Variants in RASAL2 observed in about 807,000 individuals in gnomAD.
RASAL2 encodes the protein RAS protein activator like 2.
In RASAL2, 58 loss-of-function variants were observed where a neutral mutation model predicts 128.9. The observed-to-expected ratio is 0.45, with a 90% CI of 0.36 to 0.56. RASAL2 has a LOEUF of 0.56. Ranked by LOEUF, RASAL2 falls within the 20% of genes least tolerant of loss-of-function variation. The probability of loss-of-function intolerance (pLI) is 0.00; values close to 1 mark genes in which losing one functional copy is unlikely to be tolerated. For synonymous variants in RASAL2, 561 were observed against 580.8 expected, an observed-to-expected ratio of 0.97 and a Z score of 0.49; for missense variants, 1,360 against 1,601.6, an observed-to-expected ratio of 0.85 and a Z score of 2.57.
intron 1 of RASAL2, among the ~76,000 whole-genome samples, chr1:178,161,209 A>G (rs891051246): frequency 2.0e-5 from 3 of 152,170 alleles, no homozygotes; most frequent in African/African-American, 4.8e-5. Context: ...TTTTGCAACA[A>G]TCACTACCGT....
intron 1 of RASAL2, among the ~76,000 whole-genome samples, chr1:178,190,374 G>T (rs1662450627): frequency 6.6e-6 from 1 of 152,152 alleles, no homozygotes; most frequent in African/African-American, 2.4e-5. Flanking sequence ...AACAAAATGT[G>T]TAAGGCCTTA....
rs186197500 is a variant in RASAL2 at position 178,131,084 on chromosome 1, C to A, written c.202+36390C>A. Reference sequence around the variant, plus strand: ...ACAAACAAAAAAAAAACAAAAAAAACCAAAAAAAAACATGTGTTATTGTTA... The same window carrying A: ...ACAAACAAAAAAAAAACAAAAAAAAACAAAAAAAAACATGTGTTATTGTTA... On this transcript the variant is annotated intron_variant, in intron 1 of 17. Transcript: ENST00000367649. Among the ~76,000 whole-genome samples, 1,322 of 149,330 alleles carry A rather than the reference C, an allele frequency of 8.9e-3. 25 individuals carry two copies. The highest frequency in any genetic ancestry group is 0.022 in the African/African-American group (918 of 40,952).
intron 3 of RASAL2, among the ~76,000 whole-genome samples, chr1:178,379,275 G>C (rs1672151567): frequency 6.6e-6 from 1 of 152,076 alleles, no homozygotes; most frequent in Admixed American, 6.6e-5. Flanking sequence ...CAGCTACTGG[G>C]GAGGCTGAGT....
chr1:178,239,605 G>A (rs1028088623), intron 1 of RASAL2, among the ~76,000 whole-genome samples: 2 of 151,964 alleles, frequency 1.3e-5, no homozygotes, highest in African/African-American at 4.8e-5. Context: ...GGTATTTTAA[G>A]CAACTTATAA....
chr1:178,341,497 C>G, intron 3 of RASAL2: 1 of 1,581,752 alleles, frequency 6.3e-7, no homozygotes, highest in Non-Finnish European at 8.6e-7. Flanking sequence ...AGGGAGAGAG[C>G]AGGAAAGCGA....
rs769036734 is a variant in RASAL2 at position 178,456,710 on chromosome 1, C to T, written c.2212-11C>T. On this transcript the variant is annotated splice_polypyrimidine_tract_variant and intron_variant, in intron 12 of 17. Transcript: ENST00000367649. ...TTATTATCCAATTAGGGTGAAAATTCCTTCCTACAGGCGACCGTGGCAAAA... is the reference window on the plus strand; with the variant it reads ...TTATTATCCAATTAGGGTGAAAATTTCTTCCTACAGGCGACCGTGGCAAAA... The T allele has an allele frequency of 6.2e-7, 1 of 1,613,940 alleles. No homozygotes were observed. Among genetic ancestry groups the T allele is most frequent in the Non-Finnish European group, 8.5e-7 (1 of 1,179,890 alleles).
chr1:178,419,443 T>TTTTTA (rs1004742609), intron 4 of RASAL2, among the ~76,000 whole-genome samples: 15 of 151,760 alleles, frequency 9.9e-5, no homozygotes, highest in Admixed American at 5.9e-4. Flanking sequence ...CTGGCTAAAT[T>TTTTTA]TTTTATTTTA....
chr1:178,472,028 A>C (rs760693261), intron 17 of RASAL2, among the ~76,000 whole-genome samples: 4 of 152,206 alleles, frequency 2.6e-5, no homozygotes, highest in African/African-American at 7.2e-5. Flanking sequence ...TTACAGGCAT[A>C]GGTAAAGACT....
intron 3 of RASAL2, among the ~76,000 whole-genome samples, chr1:178,336,562 A>G (rs923269416): frequency 3.3e-5 from 5 of 152,034 alleles, no homozygotes; most frequent in African/African-American, 1.2e-4. Context: ...TTAATAGGAA[A>G]TCTGTAAGCC....
At position 178,178,063 on chromosome 1, in the gene RASAL2, A is replaced by G. The variant is rs886592111; in HGVS notation, c.202+83369A>G. Among the ~76,000 whole-genome samples the G allele has an allele frequency of 3.9e-5, 6 of 152,270 alleles. No individual in the cohort carries two copies. The South Asian group carries it at 6.2e-4, about 16-fold the overall frequency. The stretch of plus-strand genomic sequence containing the variant: ...TTACTGAATTGAGTTTAGAATCATC[A>G]GTTATCATAAGACTTGTGTCATTAA... On this transcript the variant is annotated intron_variant, in intron 1 of 17. Coordinates refer to ENST00000367649, the MANE Select transcript of RASAL2 (RefSeq NM_170692.4).
intron 1 of RASAL2, among the ~76,000 whole-genome samples, chr1:178,148,058 G>T (rs1222471259): frequency 6.6e-6 from 1 of 152,168 alleles, no homozygotes; most frequent in Admixed American, 6.5e-5. Flanking sequence ...GCAGCAGAGT[G>T]AGACTCTGTC....
intron 1 of RASAL2, among the ~76,000 whole-genome samples, chr1:178,103,240 A>G (rs531104439): frequency 6.6e-6 from 1 of 152,082 alleles, no homozygotes; most frequent in East Asian, 1.9e-4. Flanking sequence ...TCATTTTGTA[A>G]AGAGGTACCT....
intron 3 of RASAL2, among the ~76,000 whole-genome samples, chr1:178,304,040 T>C (rs1667882716): frequency 6.6e-6 from 1 of 152,210 alleles, no homozygotes; most frequent in Admixed American, 6.5e-5. Flanking sequence ...GTGTGTTCAC[T>C]TTGTGATAAT....
At chr1:178,107,424 C>T (rs1163147145) in intron 1 of RASAL2, among the ~76,000 whole-genome samples, 1 of 152,064 alleles carries the variant, frequency 6.6e-6, no homozygotes, top group South Asian at 2.1e-4. Flanking sequence ...AGTGAGGATG[C>T]TAGATAGAGT....
chr1:178,286,300 C>T lies in RASAL2; in HGVS notation c.330+2609C>T, dbSNP rs544284399. Among the ~76,000 whole-genome samples the T allele has an allele frequency of 5.3e-5, 8 of 152,250 alleles. No individual in the cohort carries two copies. The South Asian group carries it at 1.5e-3, about 28-fold the overall frequency. Reference sequence around the variant, plus strand: ...CCATTAAGTTTTGTCAGTGGATGGCCGTTTTTCCTCATACCATAATGTCTG... The same window carrying T: ...CCATTAAGTTTTGTCAGTGGATGGCTGTTTTTCCTCATACCATAATGTCTG... On this transcript the variant is annotated intron_variant, in intron 2 of 17. Transcript: ENST00000367649.
chr1:178,401,112 C>T (rs896573153), intron 4 of RASAL2, among the ~76,000 whole-genome samples: 3 of 152,220 alleles, frequency 2.0e-5, no homozygotes, highest in Non-Finnish European at 4.4e-5. Context: ...TTATTCATCT[C>T]ATAACTTCAG....
chr1:178,410,934 A>G (rs1291068326), intron 4 of RASAL2, among the ~76,000 whole-genome samples: 1 of 152,218 alleles, frequency 6.6e-6, no homozygotes, highest in Non-Finnish European at 1.5e-5. Context: ...AATGTAAACT[A>G]GTACAACCAC....
chr1:178,142,874 A>G (rs1347388784), intron 1 of RASAL2, among the ~76,000 whole-genome samples: 1 of 151,748 alleles, frequency 6.6e-6, no homozygotes. Context: ...GAAAGTATCT[A>G]CCCAGAATAG....
chr1:178,250,668 C>T (rs1043117781), intron 1 of RASAL2, among the ~76,000 whole-genome samples: 1 of 152,204 alleles, frequency 6.6e-6, no homozygotes, highest in Non-Finnish European at 1.5e-5. Context: ...CTGGGAGCTG[C>T]ATACCAGAGC....
Sources: gnomAD v4.1 joint callset for allele counts (sites outside exome capture counted in the v4.1 genomes callset) on GRCh38, gnomAD v4.1.1 for gene constraint, MANE v1.5 for transcripts, NCBI Gene and HGNC (gene_info 2026-07-23, HGNC 2026-07-21) for gene names.